Variants in APBB1IP observed in about 807,000 individuals in gnomAD.
The protein encoded by APBB1IP is amyloid beta A4 precursor protein-binding family B member 1-interacting protein.
APBB1IP carries 27 observed loss-of-function variants against 64.9 expected under a neutral mutation model. That is an observed-to-expected ratio of 0.42 (90% CI 0.31 to 0.57). The LOEUF (loss-of-function observed/expected upper bound fraction) is 0.57. Among genes scored for constraint, APBB1IP ranks in the 20% least tolerant of loss-of-function variants. The probability of loss-of-function intolerance (pLI) is 0.20; values close to 1 mark genes in which losing one functional copy is unlikely to be tolerated. For synonymous variants in APBB1IP, 392 were observed against 331.0 expected (o/e 1.18, Z -2.00); for missense variants, 812 against 845.5 (o/e 0.96, Z 0.49).
At chr10:26,562,192 T>TTA (rs1836981693) in intron 13 of APBB1IP, 134 bp from the exon 14 acceptor site, 3 of 683,576 alleles carry the variant, frequency 4.4e-6, no homozygotes. Flanking sequence ...TTATTTTTGT[T>TTA]TTTTTTGTAA....
chr10:26,452,284 A>C (rs1365823720), intron 2 of APBB1IP, among the ~76,000 whole-genome samples: 1 of 152,238 alleles, frequency 6.6e-6, no homozygotes, highest in Admixed American at 6.5e-5. Context: ...AGAAGGTCTA[A>C]ATGACTTGCC....
intron 2 of APBB1IP, among the ~76,000 whole-genome samples, chr10:26,457,292 G>A (rs1835538182): frequency 6.6e-6 from 1 of 152,048 alleles, no homozygotes. Flanking sequence ...CCCAATTTCT[G>A]GTAACTATCG....
At chr10:26,485,740 T>C (rs1019021583) in intron 2 of APBB1IP, among the ~76,000 whole-genome samples, 1 of 152,228 alleles carries the variant, frequency 6.6e-6, no homozygotes, top group African/African-American at 2.4e-5. Context: ...CAGGATTTAC[T>C]GACATGTTTA....
intron 11 of APBB1IP, among the ~76,000 whole-genome samples, chr10:26,550,435 T>G (rs1381473019): frequency 6.6e-6 from 1 of 152,162 alleles, no homozygotes; most frequent in Non-Finnish European, 1.5e-5. Context: ...AATTTTTTCT[T>G]TATTCCTTTT....
chr10:26,476,446 C>CAAAAAAAA (rs58548133), intron 2 of APBB1IP, among the ~76,000 whole-genome samples: 17 of 78,126 alleles, frequency 2.2e-4, no homozygotes, highest in South Asian at 5.6e-4. Context: ...GACCCTGTCT[C>CAAAAAAAA]AAAAAAAAAA....
intron 2 of APBB1IP, among the ~76,000 whole-genome samples, chr10:26,446,895 G>GATAGAGAGATAGATAGAA (rs1554772367): frequency 6.4e-5 from 6 of 93,940 alleles, no homozygotes; most frequent in Admixed American, 3.3e-4. Context: ...GATAGAAATA[G>GATAGAGAGATAGATAGAA]ATAGATATGG....
intron 2 of APBB1IP, among the ~76,000 whole-genome samples, chr10:26,488,080 G>T (rs1438286131): frequency 6.6e-6 from 1 of 152,100 alleles, no homozygotes; most frequent in East Asian, 1.9e-4. Context: ...CACATGAGCA[G>T]TTCTGGAATT....
intron 9 of APBB1IP, among the ~76,000 whole-genome samples, chr10:26,534,322 A>G (rs1351003605): frequency 2.1e-5 from 3 of 143,436 alleles, no homozygotes; most frequent in South Asian, 2.2e-4. Context: ...AAAAAAATCG[A>G]GGATCTGTTC....
intron 6 of APBB1IP, among the ~76,000 whole-genome samples, chr10:26,505,114 C>T (rs952349952): frequency 6.6e-6 from 1 of 152,142 alleles, no homozygotes; most frequent in Non-Finnish European, 1.5e-5. Context: ...TGAGGATTTT[C>T]TGCTAAGAGT....
intron 11 of APBB1IP, among the ~76,000 whole-genome samples, chr10:26,550,552 A>T (rs1836817892): frequency 6.7e-6 from 1 of 149,606 alleles, no homozygotes; most frequent in South Asian, 2.1e-4. Flanking sequence ...CCTCTGTTTC[A>T]TTTTTCATTT....
chr10:26,565,793 G>A (rs187146298), intron 14 of APBB1IP, among the ~76,000 whole-genome samples: 163 of 152,332 alleles, frequency 1.1e-3, no homozygotes, highest in African/African-American at 3.8e-3. Context: ...ATGGGTGTGG[G>A]ATATGGGGAA....
At chr10:26,455,842 T>G (rs1002614937) in intron 2 of APBB1IP, among the ~76,000 whole-genome samples, 2 of 152,162 alleles carry the variant, frequency 1.3e-5, no homozygotes, top group African/African-American at 4.8e-5. Flanking sequence ...CACACAAAAA[T>G]GTGCAGGCAA....
chr10:26,567,493 G>C lies in APBB1IP; in HGVS notation c.*5G>C, dbSNP rs1181046452. The C allele has an allele frequency of 3.8e-6, 6 of 1,562,558 alleles. No homozygotes were observed. The highest frequency in any genetic ancestry group is 2.6e-6 in the Non-Finnish European group (3 of 1,145,854). On this transcript the variant is annotated 3_prime_UTR_variant, in exon 15 of 15. Coordinates refer to ENST00000376236, the MANE Select transcript of APBB1IP (RefSeq NM_019043.4). ...AAGAGAGGCAACGTGTCCTAGGGAC[G>C]GGCATGATGAGTGTTCCAGAGGGAG...
At chr10:26,534,074 G>A (rs1368129917) in intron 9 of APBB1IP, among the ~76,000 whole-genome samples, 1 of 151,784 alleles carries the variant, frequency 6.6e-6, no homozygotes, top group East Asian at 1.9e-4. Flanking sequence ...AGATGTCTAT[G>A]ATGACCACTA....
intron 2 of APBB1IP, among the ~76,000 whole-genome samples, chr10:26,479,418 G>A (rs769074151): frequency 4.0e-5 from 6 of 151,834 alleles, no homozygotes; most frequent in Non-Finnish European, 5.9e-5. Context: ...GGCTGGGATA[G>A]GAGACAGCAA....
At chr10:26,506,259 G>GC (rs1165922207) in intron 6 of APBB1IP, among the ~76,000 whole-genome samples, 4 of 137,772 alleles carry the variant, frequency 2.9e-5, no homozygotes, top group East Asian at 2.6e-4. Flanking sequence ...GTGGGGGGGG[G>GC]GGGTGGGGGG....
chr10:26,464,083 T>C (rs1835623050), intron 2 of APBB1IP, among the ~76,000 whole-genome samples: 1 of 152,322 alleles, frequency 6.6e-6, no homozygotes, highest in African/African-American at 2.4e-5. Flanking sequence ...GGCTCTGTCT[T>C]CAGCAGCCCT....
At chr10:26,508,173 A>G (rs931087505) in intron 6 of APBB1IP, among the ~76,000 whole-genome samples, 14 of 152,188 alleles carry the variant, frequency 9.2e-5, no homozygotes, top group African/African-American at 3.1e-4. Flanking sequence ...AATCTACAAC[A>G]TGTTTTTAAA....
At chr10:26,466,177 G>A (rs932316804) in intron 2 of APBB1IP, among the ~76,000 whole-genome samples, 2 of 152,214 alleles carry the variant, frequency 1.3e-5, no homozygotes, top group African/African-American at 2.4e-5. Context: ...CCCTTCTACA[G>A]CCCCTCCGGG....
Sources: allele counts gnomAD v4.1 joint callset (sites outside exome capture counted in the v4.1 genomes callset), GRCh38; gene constraint gnomAD v4.1.1; transcripts MANE v1.5; gene names NCBI Gene and HGNC (gene_info 2026-07-23, HGNC 2026-07-21).